SOX6: variants seen among roughly 807,000 people sequenced by gnomAD.
The protein encoded by SOX6 is SRY-box transcription factor 6.
In SOX6, 11 loss-of-function variants were observed where a neutral mutation model predicts 97.8. The ratio of observed to expected loss-of-function variants is 0.11; its 90% CI spans 0.07 to 0.19. SOX6 has a LOEUF of 0.19. Among genes scored for constraint, SOX6 ranks in the 10% least tolerant of loss-of-function variants. The probability of loss-of-function intolerance (pLI) is 1.00; values close to 1 mark genes in which losing one functional copy is unlikely to be tolerated. For missense variants in SOX6, 810 were observed against 1,039.5 expected (o/e 0.78, Z 3.04); for synonymous variants, 360 against 371.4 (o/e 0.97, Z 0.35).
At chr11:16,352,878 C>G (rs182336936) in intron 1 of SOX6, among the ~76,000 whole-genome samples, 1 of 152,144 alleles carries the variant, frequency 6.6e-6, no homozygotes, top group Admixed American at 6.6e-5. Flanking sequence ...ATCCTTTTAA[C>G]TGTCATTCTG....
intron 3 of SOX6, among the ~76,000 whole-genome samples, chr11:16,620,311 T>C (rs1007333319): frequency 1.3e-4 from 20 of 152,222 alleles, no homozygotes; most frequent in African/African-American, 4.6e-4. Context: ...CCATTAACGT[T>C]TAAGAAATGA....
intron 1 of SOX6, among the ~76,000 whole-genome samples, chr11:16,462,586 T>A (rs1453091687): frequency 6.6e-6 from 1 of 152,186 alleles, no homozygotes; most frequent in Non-Finnish European, 1.5e-5. Context: ...AAAAGCATTA[T>A]GCAAAAACAA....
chr11:15,973,213 C>T, intron 15 of SOX6, 101 bp from the exon 16 acceptor site: 1 of 1,163,062 alleles, frequency 8.6e-7, no homozygotes, highest in Non-Finnish European at 1.2e-6. Context: ...AAAGGGAGCC[C>T]TAAATAAATG....
At chr11:16,629,688 C>T (rs578050321) in intron 3 of SOX6, among the ~76,000 whole-genome samples, 1 of 152,042 alleles carries the variant, frequency 6.6e-6, no homozygotes, top group Non-Finnish European at 1.5e-5. Context: ...CTTCTTTGTG[C>T]ATCTAGTAGA....
rs141765113 is a variant in SOX6 at position 16,077,875 on chromosome 11, C to T, written c.1101+18121G>A. Among the ~76,000 whole-genome samples the T allele has an allele frequency of 6.2e-3, 948 of 151,888 alleles. 7 individuals carry two copies. The highest frequency in any genetic ancestry group is 9.8e-3 in the Non-Finnish European group (666 of 67,970). On this transcript the variant is annotated intron_variant, in intron 9 of 15. Coordinates refer to ENST00000683767, the MANE Select transcript of SOX6 (RefSeq NM_001367873.1). ...TCAGGTACTACACTTATTACCTGGG[C>T]GATGAAATAATTTGTACAACAAACC...
intron 4 of SOX6, among the ~76,000 whole-genome samples, chr11:16,202,657 T>C (rs1350143912): frequency 2.6e-5 from 4 of 152,108 alleles, no homozygotes; most frequent in Non-Finnish European, 4.4e-5. Context: ...GACAACCACC[T>C]ATCTCTCCAG....
intron 1 of SOX6, among the ~76,000 whole-genome samples, chr11:16,419,233 T>A (rs1169478764): frequency 6.6e-6 from 1 of 152,210 alleles, no homozygotes; most frequent in African/African-American, 2.4e-5. Context: ...TTATCAAATT[T>A]ATGGTGTGTG....
intron 6 of SOX6, among the ~76,000 whole-genome samples, chr11:16,120,068 GTT>G (rs1186364130): frequency 2.4e-4 from 36 of 151,864 alleles, no homozygotes; most frequent in Non-Finnish European, 4.7e-4. Flanking sequence ...GCTTCTGTTT[GTT>G]TGTTTGTTTG....
intron 4 of SOX6, among the ~76,000 whole-genome samples, chr11:16,521,680 C>T (rs993982310): frequency 3.9e-5 from 6 of 152,106 alleles, no homozygotes; most frequent in Non-Finnish European, 5.9e-5. Context: ...CAAACTACTC[C>T]GAGCTACAGG....
At chr11:16,525,366 A>G (rs1308528876) in intron 4 of SOX6, among the ~76,000 whole-genome samples, 1 of 150,912 alleles carries the variant, frequency 6.6e-6, no homozygotes. Context: ...AACCTGAGAA[A>G]AACAAGCAAT....
intron 3 of SOX6, among the ~76,000 whole-genome samples, chr11:16,706,771 A>G (rs1848140047): frequency 6.6e-6 from 1 of 151,542 alleles, no homozygotes; most frequent in African/African-American, 2.4e-5. Flanking sequence ...AGCCATTTTA[A>G]TATACTTTAT....
At chr11:16,474,395 T>C (rs1019244356) in intron 1 of SOX6, among the ~76,000 whole-genome samples, 1 of 152,226 alleles carries the variant, frequency 6.6e-6, no homozygotes, top group African/African-American at 2.4e-5. Context: ...GTATGGCAAC[T>C]ACAGCCTTAC....
At chr11:16,174,655 C>T (rs1456077624) in intron 6 of SOX6, among the ~76,000 whole-genome samples, 1 of 151,854 alleles carries the variant, frequency 6.6e-6, no homozygotes, top group African/African-American at 2.4e-5. Flanking sequence ...TTCTTAAATT[C>T]TAAGTATAGA....
intron 4 of SOX6, among the ~76,000 whole-genome samples, chr11:16,502,596 C>T (rs192990208): frequency 1.3e-5 from 2 of 151,986 alleles, no homozygotes; most frequent in African/African-American, 4.8e-5. Flanking sequence ...TTCGATCATA[C>T]ACTATATCAA....
At chr11:16,292,441 G>A (rs1854944230) in intron 3 of SOX6, among the ~76,000 whole-genome samples, 1 of 152,042 alleles carries the variant, frequency 6.6e-6, no homozygotes, top group African/African-American at 2.4e-5. Context: ...AAAGAAAAGT[G>A]AGGTGATAGT....
chr11:16,147,647 C>A (rs768197828), intron 6 of SOX6, among the ~76,000 whole-genome samples: 18 of 152,158 alleles, frequency 1.2e-4, no homozygotes, highest in Non-Finnish European at 2.5e-4. Context: ...CCTGCTTAAT[C>A]CTTTCTCCCC....
intron 9 of SOX6, among the ~76,000 whole-genome samples, chr11:16,093,485 A>G (rs550426268): frequency 6.6e-6 from 1 of 152,122 alleles, no homozygotes; most frequent in Admixed American, 6.6e-5. Flanking sequence ...CTTAATATAT[A>G]CCAAATGTTG....
chr11:16,080,769 T>C (rs1848455732), intron 9 of SOX6, among the ~76,000 whole-genome samples: 1 of 152,124 alleles, frequency 6.6e-6, no homozygotes, highest in African/African-American at 2.4e-5. Flanking sequence ...ATTTACAACT[T>C]ACTACTGAAA....
intron 1 of SOX6, among the ~76,000 whole-genome samples, chr11:16,421,031 C>A (rs899006966): frequency 3.9e-5 from 6 of 152,062 alleles, no homozygotes; most frequent in South Asian, 4.1e-4. Flanking sequence ...ACTTTAGTGA[C>A]AATGTGAGAA....
Sources: allele counts gnomAD v4.1 joint callset (sites outside exome capture counted in the v4.1 genomes callset), GRCh38; gene constraint gnomAD v4.1.1; transcripts MANE v1.5; gene names NCBI Gene and HGNC (gene_info 2026-07-23, HGNC 2026-07-21).